DCT: variants seen among roughly 807,000 people sequenced by gnomAD.
The protein encoded by DCT is dopachrome tautomerase, also known as L-dopachrome tautomerase.
A neutral mutation model predicts 53.0 loss-of-function variants in DCT; 47 were observed. The ratio of observed to expected loss-of-function variants is 0.89; its 90% CI spans 0.70 to 1.13. The LOEUF (loss-of-function observed/expected upper bound fraction) is 1.13. Among genes scored for constraint, DCT ranks in the 50% most tolerant of loss-of-function variants. The pLI, the probability that DCT is intolerant of heterozygous loss-of-function variation, is 0.00. For missense variants in DCT, 669 were observed against 637.4 expected (o/e 1.05, Z -0.53); for synonymous variants, 244 against 237.0 (o/e 1.03, Z -0.27).
chr13:94,525,094 G>T, the DCT span, among the ~76,000 whole-genome samples: 4 of 142,488 alleles, frequency 2.8e-5, no homozygotes, highest in African/African-American at 1.1e-4. Flanking sequence ...CCAGCGCTGT[G>T]AAGTGATACC....
the DCT span, among the ~76,000 whole-genome samples, chr13:94,510,107 G>A: frequency 2.0e-5 from 3 of 152,122 alleles, no homozygotes; most frequent in African/African-American, 7.2e-5. Context: ...CTAGATCTCT[G>A]TCCTCTCCTC....
At chr13:94,502,790 C>T in the DCT span, among the ~76,000 whole-genome samples, 1 of 152,138 alleles carries the variant, frequency 6.6e-6, no homozygotes, top group East Asian at 1.9e-4. Flanking sequence ...CCTCTCCTCG[C>T]TGCACTCTCT....
At chr13:94,481,705 G>C (rs1208833312), upstream of DCT, among the ~76,000 whole-genome samples, 1 of 152,116 alleles carries the variant, frequency 6.6e-6, no homozygotes, top group Non-Finnish European at 1.5e-5. Context: ...CCTCAGTTGT[G>C]AGCCCCAGAC....
chr13:94,443,044 T>TCCAG (rs1353588261), intron 7 of DCT, among the ~76,000 whole-genome samples: 1 of 152,170 alleles, frequency 6.6e-6, no homozygotes, highest in Non-Finnish European at 1.5e-5. Context: ...AATCTCTAAA[T>TCCAG]CCAGCTAGTC....
chr13:94,443,381 A>G (rs1336303458), intron 7 of DCT, 55 bp downstream of exon 7: 2 of 1,353,914 alleles, frequency 1.5e-6, no homozygotes, highest in Non-Finnish European at 2.1e-6. Context: ...AAAGCAAGAA[A>G]GCTAGCTTCT....
At chr13:94,540,418 C>A in the DCT span, among the ~76,000 whole-genome samples, 2 of 151,988 alleles carry the variant, frequency 1.3e-5, no homozygotes, top group Non-Finnish European at 2.9e-5. Flanking sequence ...TGTGGGAGAT[C>A]AAAGAGAACT....
chr13:94,488,214 C>T, the DCT span, among the ~76,000 whole-genome samples: 2 of 152,098 alleles, frequency 1.3e-5, no homozygotes, highest in Admixed American at 6.6e-5. Flanking sequence ...AATAGAGCTA[C>T]TCCTTCTTCA....
At chr13:94,488,719 TATATACAC>T in the DCT span, among the ~76,000 whole-genome samples, 7 of 83,540 alleles carry the variant, frequency 8.4e-5, no homozygotes, top group African/African-American at 2.9e-4. Flanking sequence ...TCTTGTCTAA[TATATACAC>T]ACACACACAC....
intron 6 of DCT, among the ~76,000 whole-genome samples, chr13:94,453,568 C>T (rs944230707): frequency 1.3e-5 from 2 of 152,012 alleles, no homozygotes; most frequent in East Asian, 3.9e-4. Context: ...AAGCAATGCC[C>T]TATTGATATG....
the DCT span, among the ~76,000 whole-genome samples, chr13:94,542,591 C>T: frequency 5.9e-5 from 9 of 152,288 alleles, no homozygotes; most frequent in East Asian, 3.9e-4. Flanking sequence ...CACATACTGC[C>T]TCCTGCTTCA....
chr13:94,528,816 T>C, the DCT span, among the ~76,000 whole-genome samples: 1 of 124,262 alleles, frequency 8.0e-6, no homozygotes, highest in East Asian at 3.2e-4. Flanking sequence ...GTAAATGGGC[T>C]AAAGCCCCAA....
At chr13:94,537,372 G>T in the DCT span, among the ~76,000 whole-genome samples, 1 of 152,300 alleles carries the variant, frequency 6.6e-6, no homozygotes, top group South Asian at 2.1e-4. Context: ...TTGTTGCTAA[G>T]ACATTTTTTG....
chr13:94,458,211 A>G (rs1477424607), intron 6 of DCT, among the ~76,000 whole-genome samples: 4 of 152,088 alleles, frequency 2.6e-5, no homozygotes, highest in African/African-American at 9.7e-5. Flanking sequence ...TAGAATCAGG[A>G]AGCATACCCC....
chr13:94,526,795 G>A, the DCT span, among the ~76,000 whole-genome samples: 1 of 152,112 alleles, frequency 6.6e-6, no homozygotes, highest in African/African-American at 2.4e-5. Context: ...GCCCATGGAG[G>A]GGGAGCTGAA....
chr13:94,457,323 C>T (rs1205791561), intron 6 of DCT, among the ~76,000 whole-genome samples: 2 of 151,994 alleles, frequency 1.3e-5, no homozygotes, highest in East Asian at 1.9e-4. Context: ...ACCATAGGGC[C>T]CTGGATTAGT....
the DCT span, among the ~76,000 whole-genome samples, chr13:94,490,407 A>C: frequency 0.33 from 48,265 of 148,148 alleles, 7,830 homozygotes; most frequent in Non-Finnish European, 0.34. Context: ...CATGAGGCTG[A>C]GGCAGGAGAA....
chr13:94,522,616 G>A, the DCT span, among the ~76,000 whole-genome samples: 10 of 152,226 alleles, frequency 6.6e-5, no homozygotes, highest in African/African-American at 2.2e-4. Context: ...TCGATGCTAA[G>A]TTATAAAAAA....
chr13:94,441,098 CTAATA>C (rs1218654608), intron 7 of DCT, among the ~76,000 whole-genome samples: 1 of 152,126 alleles, frequency 6.6e-6, no homozygotes. Flanking sequence ...TTACACTCAC[CTAATA>C]TAAGATTCTC....
chr13:94,439,000 A>T lies in DCT; in HGVS notation c.*898T>A. The T allele has an allele frequency of 5.2e-6, 1 of 191,774 alleles. No homozygotes were observed. The highest frequency in any genetic ancestry group is 1.1e-5 in the Non-Finnish European group (1 of 93,104). The allele number at this position is 191,774 out of a possible 1,614,324, so 11.9% of individuals were successfully genotyped here. ...CCTCAGAGTAATGGGACTCAAGTCAAATTGTCTCATGTTCAGGTTTACAGC... is the reference window on the plus strand; with the variant it reads ...CCTCAGAGTAATGGGACTCAAGTCATATTGTCTCATGTTCAGGTTTACAGC... On this transcript the variant is annotated 3_prime_UTR_variant, in exon 8 of 8. Transcript: ENST00000377028.
Sources: gnomAD v4.1 joint callset for allele counts (sites outside exome capture counted in the v4.1 genomes callset) on GRCh38, gnomAD v4.1.1 for gene constraint, MANE v1.5 for transcripts, NCBI Gene and HGNC (gene_info 2026-07-23, HGNC 2026-07-21) for gene names.